The following TOX variants were observed in gnomAD, a reference collection of about 807,000 sequenced individuals.
The protein encoded by TOX is thymocyte selection-associated high mobility group box protein TOX.
In TOX, 11 loss-of-function variants were observed where a neutral mutation model predicts 53.7. That is an observed-to-expected ratio of 0.20 (90% CI 0.13 to 0.34). The LOEUF is 0.34. TOX is among the 10% of genes least tolerant of loss of function. The pLI, the probability that TOX is intolerant of heterozygous loss-of-function variation, is 1.00. For missense variants in TOX, 570 were observed against 664.6 expected (o/e 0.86, Z 1.56); for synonymous variants, 225 against 245.3 (o/e 0.92, Z 0.77).
At chr8:58,946,825 C>T (rs887807225) in intron 2 of TOX, among the ~76,000 whole-genome samples, 4 of 151,932 alleles carry the variant, frequency 2.6e-5, no homozygotes, top group African/African-American at 7.3e-5. Flanking sequence ...TACAAAGAAC[C>T]GAAAGACACA....
At position 58,815,862 on chromosome 8, in the gene TOX, T is replaced by C. The variant is rs192498315; in HGVS notation, c.1006-138A>G. On this transcript the variant is annotated intron_variant, in intron 6 of 8. Transcript: ENST00000361421. Reference sequence around the variant, plus strand: ...TATCCCGGACTCTCTGATCTAAGAATTTCTTCACCATTATTTGTAATGTGA... The same window carrying C: ...TATCCCGGACTCTCTGATCTAAGAACTTCTTCACCATTATTTGTAATGTGA... 2,778 of 918,202 alleles carry C rather than the reference T, an allele frequency of 3.0e-3. 19 individuals carry two copies. The highest frequency in any genetic ancestry group is 2.7e-3 in the Non-Finnish European group (1,742 of 642,726). The allele number at this position is 918,202 out of a possible 1,614,324, so 56.9% of individuals were successfully genotyped here.
chr8:58,907,532 T>C (rs758344232), intron 3 of TOX, among the ~76,000 whole-genome samples: 12 of 151,848 alleles, frequency 7.9e-5, no homozygotes, highest in Non-Finnish European at 1.3e-4. Flanking sequence ...GAGGCGGAGG[T>C]TGCAGTGAGC....
chr8:59,112,468 C>T (rs1478125572), intron 1 of TOX, among the ~76,000 whole-genome samples: 4 of 152,130 alleles, frequency 2.6e-5, no homozygotes, highest in Non-Finnish European at 5.9e-5. Context: ...CATATGTAAG[C>T]GGTATCATCT....
chr8:59,046,561 G>T (rs1803684681), intron 1 of TOX, among the ~76,000 whole-genome samples: 1 of 152,110 alleles, frequency 6.6e-6, no homozygotes, highest in African/African-American at 2.4e-5. Flanking sequence ...TTTCCTGTTA[G>T]AAAATAACAC....
intron 1 of TOX, among the ~76,000 whole-genome samples, chr8:58,988,270 C>A (rs1254515927): frequency 1.3e-5 from 2 of 152,202 alleles, no homozygotes; most frequent in Non-Finnish European, 2.9e-5. Context: ...TGGGTCTATT[C>A]ATCTAAGTTA....
chr8:58,909,066 T>C (rs898324277), intron 3 of TOX, among the ~76,000 whole-genome samples: 8 of 152,240 alleles, frequency 5.3e-5, no homozygotes, highest in Non-Finnish European at 1.2e-4. Flanking sequence ...TGTAGCTTCA[T>C]GGTTTTCAAC....
At chr8:59,033,334 G>A (rs1326009756) in intron 1 of TOX, among the ~76,000 whole-genome samples, 2 of 152,196 alleles carry the variant, frequency 1.3e-5, no homozygotes, top group Non-Finnish European at 2.9e-5. Context: ...AAAAACACAT[G>A]CTAAAAATGA....
At chr8:59,114,015 C>T (rs1805062348) in intron 1 of TOX, among the ~76,000 whole-genome samples, 1 of 152,154 alleles carries the variant, frequency 6.6e-6, no homozygotes, top group Admixed American at 6.5e-5. Flanking sequence ...CGTATGACCA[C>T]TAGAAATAGT....
intron 1 of TOX, among the ~76,000 whole-genome samples, chr8:59,114,855 A>T (rs1805075926): frequency 1.3e-5 from 2 of 152,250 alleles, no homozygotes; most frequent in African/African-American, 4.8e-5. Context: ...CATTTTAAAT[A>T]GAAAATAAGC....
chr8:58,819,924 T>C (rs1472758929), intron 6 of TOX, among the ~76,000 whole-genome samples: 1 of 152,220 alleles, frequency 6.6e-6, no homozygotes, highest in Non-Finnish European at 1.5e-5. Context: ...ACCTACTCAA[T>C]TGTGCATTGC....
intron 3 of TOX, among the ~76,000 whole-genome samples, chr8:58,896,800 G>A (rs1235341839): frequency 2.6e-5 from 4 of 152,218 alleles, no homozygotes; most frequent in African/African-American, 7.2e-5. Flanking sequence ...CTATTACCCT[G>A]CATGGGCCAC....
chr8:58,922,863 C>A (rs1268178839), intron 3 of TOX, among the ~76,000 whole-genome samples: 1 of 152,138 alleles, frequency 6.6e-6, no homozygotes, highest in Non-Finnish European at 1.5e-5. Flanking sequence ...AGGGCAGGAG[C>A]AAGGTGCCAC....
Position 58,850,802 on chromosome 8 carries a change from A to G in TOX, c.693+722T>C, listed in dbSNP as rs539462902. Among the ~76,000 whole-genome samples, 235 of 152,362 alleles carry G rather than the reference A, an allele frequency of 1.5e-3. 2 individuals are homozygous for G. The highest frequency in any genetic ancestry group is 2.8e-3 in the Non-Finnish European group (193 of 68,032). ...TGGACTGAAAAAATTTAGCGAAGCT[A>G]CTAGAAAGTTAACCATGTATATCAG... is the stretch of plus-strand genomic sequence containing the variant. On this transcript the variant is annotated intron_variant, in intron 4 of 8. Transcript: ENST00000361421.
intron 3 of TOX, among the ~76,000 whole-genome samples, chr8:58,901,622 C>T (rs1158740296): frequency 6.6e-6 from 1 of 152,080 alleles, no homozygotes; most frequent in Non-Finnish European, 1.5e-5. Context: ...TTATTTCAAA[C>T]ATGATTGAAA....
chr8:59,101,748 T>C (rs1327872004), intron 1 of TOX, among the ~76,000 whole-genome samples: 3 of 152,072 alleles, frequency 2.0e-5, no homozygotes, highest in Non-Finnish European at 2.9e-5. Context: ...CAAAACCAGA[T>C]TAAGGCTAAA....
chr8:58,860,555 C>T (rs965376744), intron 3 of TOX, among the ~76,000 whole-genome samples: 10 of 152,204 alleles, frequency 6.6e-5, no homozygotes, highest in African/African-American at 1.2e-4. Flanking sequence ...TTGCTGCTCA[C>T]GCTGATGGTT....
intron 2 of TOX, among the ~76,000 whole-genome samples, chr8:58,945,467 T>G (rs1812509938): frequency 6.6e-6 from 1 of 152,156 alleles, no homozygotes; most frequent in Admixed American, 6.6e-5. Context: ...TTCCCTGAAG[T>G]CCAACCTTCC....
intron 3 of TOX, among the ~76,000 whole-genome samples, chr8:58,859,428 C>T (rs537659924): frequency 2.2e-4 from 33 of 152,216 alleles, no homozygotes; most frequent in Non-Finnish European, 3.7e-4. Flanking sequence ...TTGGAATCTT[C>T]GCTTTTCTTT....
In TOX at chr8:58,851,442, G is replaced by A; in HGVS notation, c.693+82C>T. ...TCCCTCCAATGTTTCTCGCATGGAT[G>A]ATATAAACTTGTACCCAGCACAGGT... On this transcript the variant is annotated intron_variant, in intron 4 of 8. Coordinates refer to ENST00000361421, the MANE Select transcript of TOX (RefSeq NM_014729.3). This position sits in a 1 kb window ranked among gnomAD's most constrained non-coding sequence, Gnocchi z 4.4. 6.8e-7 allele frequency: 1 copy of A among 1,474,024 alleles called. No homozygotes were observed. 91.3% of individuals were successfully genotyped at this position (1,474,024 alleles called of 1,614,324 possible). A position where few individuals can be genotyped will look rare whatever the true frequency, so the allele number is the denominator to read the frequency against.
Sources: gnomAD v4.1 joint callset for allele counts (sites outside exome capture counted in the v4.1 genomes callset) on GRCh38, gnomAD v4.1.1 for gene constraint, Gnocchi (gnomAD v3.1) non-coding constraint, MANE v1.5 for transcripts, NCBI Gene and HGNC (gene_info 2026-07-23, HGNC 2026-07-21) for gene names.